The following MAPK10 variants were observed in gnomAD, a reference collection of about 807,000 sequenced individuals.
MAPK10 encodes the protein JNK3 alpha protein kinase.
A neutral mutation model predicts 59.3 loss-of-function variants in MAPK10; 25 were observed. That is an observed-to-expected ratio of 0.42 (90% CI 0.31 to 0.59). The LOEUF (loss-of-function observed/expected upper bound fraction) is 0.59, where lower values mean the gene tolerates loss of function less well. Among genes scored for constraint, MAPK10 ranks in the 20% least tolerant of loss-of-function variants. The pLI, the probability that MAPK10 is intolerant of heterozygous loss-of-function variation, is 0.15. For synonymous variants in MAPK10, 190 were observed against 200.5 expected, an observed-to-expected ratio of 0.95 and a Z score of 0.44; for missense variants, 351 against 568.9, an observed-to-expected ratio of 0.62 and a Z score of 3.90.
chr4:86,066,437 T>C (rs942064272), intron 10 of MAPK10, among the ~76,000 whole-genome samples: 1 of 152,130 alleles, frequency 6.6e-6, no homozygotes, highest in Non-Finnish European at 1.5e-5. Context: ...TAAGATTCTC[T>C]CATCAAATCT....
intron 12 of MAPK10, among the ~76,000 whole-genome samples, chr4:86,030,756 T>C (rs2038850991): frequency 6.6e-6 from 1 of 152,224 alleles, no homozygotes; most frequent in Non-Finnish European, 1.5e-5. Flanking sequence ...TCCTGCAAGG[T>C]AGCTCAAATG....
intron 4 of MAPK10, among the ~76,000 whole-genome samples, chr4:86,113,519 C>A (rs2057853821): frequency 6.6e-6 from 1 of 152,176 alleles, no homozygotes. Flanking sequence ...AAACTCTTTT[C>A]TTTAAGAATG....
At chr4:86,372,155 C>T (rs531435272) in intron 1 of MAPK10, among the ~76,000 whole-genome samples, 1 of 152,180 alleles carries the variant, frequency 6.6e-6, no homozygotes, top group South Asian at 2.1e-4. Flanking sequence ...TCAACAAATG[C>T]AAAAGAATGG....
At chr4:86,209,847 G>T (rs1459891234) in intron 2 of MAPK10, among the ~76,000 whole-genome samples, 2 of 152,008 alleles carry the variant, frequency 1.3e-5, no homozygotes, top group South Asian at 2.1e-4. Flanking sequence ...AGCAAATCTG[G>T]AGGAATCACA....
At chr4:86,113,335 T>C (rs2057811515) in intron 4 of MAPK10, among the ~76,000 whole-genome samples, 1 of 152,186 alleles carries the variant, frequency 6.6e-6, no homozygotes, top group African/African-American at 2.4e-5. Flanking sequence ...TCCAGCGTGT[T>C]TTTGTAGTGG....
intron 2 of MAPK10, among the ~76,000 whole-genome samples, chr4:86,333,687 C>T (rs1467943406): frequency 6.6e-6 from 1 of 152,132 alleles, no homozygotes; most frequent in African/African-American, 2.4e-5. Flanking sequence ...GCTAGGATGC[C>T]TGGTTTTAAA....
chr4:86,379,073 G>A (rs531817286), intron 1 of MAPK10, among the ~76,000 whole-genome samples: 71 of 152,306 alleles, frequency 4.7e-4, no homozygotes, highest in South Asian at 1.2e-3. Flanking sequence ...GGCTCCAAGA[G>A]CAGCAGTGCA....
chr4:86,231,211 A>G (rs1480346788), intron 2 of MAPK10, among the ~76,000 whole-genome samples: 1 of 152,214 alleles, frequency 6.6e-6, no homozygotes, highest in African/African-American at 2.4e-5. Context: ...AAGAGCTTTT[A>G]CCAGTTGGGT....
At chr4:86,410,346 A>G (rs1018738719) in intron 1 of MAPK10, among the ~76,000 whole-genome samples, 2 of 152,206 alleles carry the variant, frequency 1.3e-5, no homozygotes, top group Non-Finnish European at 2.9e-5. Context: ...CATCAGGGAT[A>G]TTGGCCTAAA....
At chr4:86,052,312 TTATC>T (rs2043712879) in intron 11 of MAPK10, among the ~76,000 whole-genome samples, 2 of 152,136 alleles carry the variant, frequency 1.3e-5, no homozygotes, top group Admixed American at 1.3e-4. Context: ...TAAGAGTAAC[TTATC>T]AGCATTTTTG....
intron 9 of MAPK10, among the ~76,000 whole-genome samples, chr4:86,075,202 T>C (rs1238142445): frequency 6.6e-6 from 1 of 152,260 alleles, no homozygotes; most frequent in African/African-American, 2.4e-5. Flanking sequence ...CTGAGGCTTC[T>C]GCATTCCTCA....
At chr4:86,338,157 T>C (rs1478628355) in intron 2 of MAPK10, among the ~76,000 whole-genome samples, 1 of 152,182 alleles carries the variant, frequency 6.6e-6, no homozygotes, top group East Asian at 1.9e-4. Context: ...TCAGACTGCC[T>C]TGACCATTTC....
chr4:86,144,004 T>C (rs2064236704), intron 4 of MAPK10, among the ~76,000 whole-genome samples: 2 of 152,316 alleles, frequency 1.3e-5, no homozygotes, highest in South Asian at 4.1e-4. Context: ...TTAATCATAC[T>C]AAATTGCTAA....
rs1367788815 is a variant in MAPK10 at position 86,365,371 on chromosome 4, G to T, written c.-121-10727C>A. 2.9e-5 allele frequency among the ~76,000 whole-genome samples: 4 copies of T among 137,866 alleles called. No individual in the cohort carries two copies. In the Admixed American group the frequency reaches 3.2e-4, roughly 11 times the overall value. 90.4% of individuals were successfully genotyped at this position (137,866 alleles called of 152,430 possible). On this transcript the variant is annotated intron_variant, in intron 1 of 13. Transcript: ENST00000361569. ...CGCTTGAACCCGGGAGGTGGAGGTTGCAGTGAACCGAGACTGCACCATTGC... is the reference window on the plus strand; with the variant it reads ...CGCTTGAACCCGGGAGGTGGAGGTTTCAGTGAACCGAGACTGCACCATTGC...
rs541563596 is a variant in MAPK10, at chr4:86,308,731, T to C, written c.-7+45799A>G. 12 of 152,326 alleles carry C rather than the reference T, an allele frequency of 7.9e-5. No homozygotes were observed. The East Asian group carries it at 2.3e-3, about 29-fold the overall frequency. The allele number at this position is 152,326 out of a possible 1,614,324, so 9.4% of individuals were successfully genotyped here. ...GAATGATGCATCTATTCTGCTGACC[T>C]AGAAGAAAGATTCCCAAAGCTACCT... On this transcript the variant is annotated intron_variant, in intron 2 of 13. Coordinates refer to ENST00000641462, the MANE Select transcript of MAPK10 (RefSeq NM_138982.4).
chr4:86,524,719 GAATT>G (rs1291393081), intron 1 of MAPK10, among the ~76,000 whole-genome samples: 3 of 151,966 alleles, frequency 2.0e-5, no homozygotes, highest in African/African-American at 2.4e-5. Flanking sequence ...TTCTATTACT[GAATT>G]AGTTTTTTTT....
At chr4:86,211,066 T>G (rs77288989) in intron 2 of MAPK10, among the ~76,000 whole-genome samples, 12,853 of 151,498 alleles carry the variant, frequency 0.085, 1,190 homozygotes, top group African/African-American at 0.23. Flanking sequence ...TTGAGAAAAA[T>G]TAAACGAAGC....
chr4:86,193,743 C>G (rs560611914), intron 3 of MAPK10: 23 of 157,394 alleles, frequency 1.5e-4, no homozygotes, highest in Admixed American at 7.1e-4. Context: ...TGGCTTCAGC[C>G]CCCTTTCCAG....
At position 86,303,017 on chromosome 4, in the gene MAPK10, C is replaced by T. The variant is rs764607101; in HGVS notation, c.-7+51513G>A. Among the ~76,000 whole-genome samples the T allele has an allele frequency of 2.0e-5, 3 of 152,106 alleles. No homozygotes were observed. In the South Asian group the frequency reaches 6.2e-4, roughly 32 times the overall value. On this transcript the variant is annotated intron_variant, in intron 2 of 13. Transcript: ENST00000641462. ...ACTTTAGACTCAAACATCCCATTAC[C>T]GGAATTCCTCTGTCTGGATAATTAC...
Sources: gnomAD v4.1 joint callset for allele counts (sites outside exome capture counted in the v4.1 genomes callset) on GRCh38, gnomAD v4.1.1 for gene constraint, MANE v1.5 for transcripts, NCBI Gene and HGNC (gene_info 2026-07-23, HGNC 2026-07-21) for gene names.